The following MERTK variants were observed in gnomAD, a reference collection of about 807,000 sequenced individuals.
MERTK encodes tyrosine-protein kinase Mer.
In MERTK, 69 loss-of-function variants were observed where a neutral mutation model predicts 99.3. That is an observed-to-expected ratio of 0.70 (90% confidence interval 0.57 to 0.85). The LOEUF (loss-of-function observed/expected upper bound fraction) is 0.85, where lower values mean the gene tolerates loss of function less well. Among genes scored for constraint, MERTK ranks in the 40% least tolerant of loss-of-function variants. The probability of loss-of-function intolerance (pLI) is 0.00; values close to 1 mark genes in which losing one functional copy is unlikely to be tolerated. For missense variants in MERTK, 1,125 were observed against 1,249.4 expected (o/e 0.90, Z 1.50); for synonymous variants, 426 against 467.6 (o/e 0.91, Z 1.15).
chr2:111,999,428 A>G (rs1369011520), intron 10 of MERTK, among the ~76,000 whole-genome samples: 1 of 152,036 alleles, frequency 6.6e-6, no homozygotes, highest in Non-Finnish European at 1.5e-5. Flanking sequence ...CCTCCCGATT[A>G]GCTGGGACCA....
intron 15 of MERTK, among the ~76,000 whole-genome samples, chr2:112,012,042 C>G (rs1271450418): frequency 6.6e-6 from 1 of 152,210 alleles, no homozygotes; most frequent in Non-Finnish European, 1.5e-5. Context: ...GGTAACTAGA[C>G]TGGGGGGTGT....
intron 1 of MERTK, among the ~76,000 whole-genome samples, chr2:111,917,300 TGTA>T (rs2104672913): frequency 6.6e-6 from 1 of 152,312 alleles, no homozygotes; most frequent in East Asian, 1.9e-4. Flanking sequence ...GAGGGCCACT[TGTA>T]GTACTTCTCT....
intron 18 of MERTK, among the ~76,000 whole-genome samples, chr2:112,026,715 G>C (rs564747416): frequency 5.9e-5 from 9 of 152,186 alleles, no homozygotes; most frequent in African/African-American, 2.2e-4. Context: ...TCCAGCTTCC[G>C]GATGCGTGTG....
chr2:111,921,395 G>A (rs1684456612), intron 1 of MERTK, among the ~76,000 whole-genome samples: 1 of 151,956 alleles, frequency 6.6e-6, no homozygotes, highest in South Asian at 2.1e-4. Context: ...TGCTACTCAG[G>A]AGGCTGAGGC....
intron 6 of MERTK, among the ~76,000 whole-genome samples, chr2:111,973,098 G>C (rs1032242656): frequency 2.6e-5 from 4 of 152,068 alleles, no homozygotes; most frequent in African/African-American, 7.3e-5. Flanking sequence ...GCTCTCCCAT[G>C]TACTTCTTGC....
chr2:111,907,668 AG>A (rs112405825), intron 1 of MERTK, among the ~76,000 whole-genome samples: 36,625 of 152,228 alleles, frequency 0.24, 4,772 homozygotes, highest in South Asian at 0.32. Context: ...ATCCCCCCTG[AG>A]GGGGAACAGC....
chr2:112,003,340 A>G (rs1676908415), intron 12 of MERTK, 153 bp downstream of exon 12: 1 of 535,136 alleles, frequency 1.9e-6, no homozygotes, highest in Non-Finnish European at 3.3e-6. Flanking sequence ...ATGATAGACT[A>G]TTGATTTTTG....
intron 1 of MERTK, among the ~76,000 whole-genome samples, chr2:111,916,820 C>T (rs1684359573): frequency 6.6e-6 from 1 of 152,116 alleles, no homozygotes; most frequent in African/African-American, 2.4e-5. Context: ...TACCTGTTTT[C>T]CTCTGACTTG....
intron 2 of MERTK, among the ~76,000 whole-genome samples, chr2:111,942,538 G>A (rs1684883196): frequency 6.6e-6 from 1 of 152,138 alleles, no homozygotes; most frequent in African/African-American, 2.4e-5. Flanking sequence ...GGAGATATTT[G>A]TCCTGTGTAT....
intron 4 of MERTK, among the ~76,000 whole-genome samples, chr2:111,964,709 T>C (rs62162474): frequency 6.6e-6 from 1 of 152,232 alleles, no homozygotes; most frequent in South Asian, 2.1e-4. Context: ...TCCTTGTGAA[T>C]TGACCAGTTT....
At chr2:111,949,279 A>T (rs571880145) in intron 4 of MERTK, among the ~76,000 whole-genome samples, 4 of 152,240 alleles carry the variant, frequency 2.6e-5, no homozygotes, top group Non-Finnish European at 5.9e-5. Context: ...CTCAGTAAGG[A>T]CAAGAGCTTT....
In MERTK at chr2:112,004,002, A is replaced by C; in HGVS notation, c.1867+18A>C. 1 of 1,598,448 alleles carries C rather than the reference A, an allele frequency of 6.3e-7. No homozygotes were observed. The highest frequency in any genetic ancestry group is 8.6e-7 in the Non-Finnish European group (1 of 1,166,126). On this transcript the variant is annotated intron_variant, in intron 13 of 18. Coordinates refer to ENST00000295408, the MANE Select transcript of MERTK (RefSeq NM_006343.3). ...CATGAAGTGTGAGTTATCAGTGATG[A>C]ATCCCATTCTTCTAGGGTGGGCAGT...
intron 1 of MERTK, among the ~76,000 whole-genome samples, chr2:111,925,292 ATTTTTT>A (rs11433691): frequency 1.1e-3 from 26 of 24,492 alleles, no homozygotes; most frequent in East Asian, 4.8e-3. Context: ...ATATATATAT[ATTTTTT>A]TTTTTTTTTT....
intron 8 of MERTK, among the ~76,000 whole-genome samples, chr2:111,988,906 G>T (rs539961211): frequency 3.3e-5 from 5 of 152,274 alleles, no homozygotes; most frequent in Non-Finnish European, 4.4e-5. Flanking sequence ...CCAAGATGGC[G>T]CCACTGCACT....
At chr2:111,932,922 GGA>G (rs1462904077) in intron 2 of MERTK, among the ~76,000 whole-genome samples, 1 of 152,082 alleles carries the variant, frequency 6.6e-6, no homozygotes, top group African/African-American at 2.4e-5. Flanking sequence ...CTCAGGTCAG[GGA>G]GGGGTTTGGA....
intron 9 of MERTK, chr2:111,997,012 T>C (rs1042235075): frequency 1.6e-5 from 6 of 380,520 alleles, no homozygotes; most frequent in South Asian, 1.5e-4. Flanking sequence ...TATAATGACA[T>C]GAGTTTTCTC....
intron 11 of MERTK, 95 bp from the exon 12 acceptor site, chr2:112,002,997 A>G: frequency 2.8e-6 from 2 of 705,266 alleles, no homozygotes; most frequent in South Asian, 1.5e-5. Flanking sequence ...TAAATAAGGA[A>G]TGTTTTATTA....
chr2:111,933,505 C>T (rs1236969808), intron 2 of MERTK, among the ~76,000 whole-genome samples: 2 of 152,102 alleles, frequency 1.3e-5, no homozygotes, highest in Admixed American at 1.3e-4. Context: ...CAAAAGGACT[C>T]TAGAGAGAAA....
intron 1 of MERTK, among the ~76,000 whole-genome samples, chr2:111,900,020 C>T (rs1383999786): frequency 6.6e-6 from 1 of 151,746 alleles, no homozygotes; most frequent in African/African-American, 2.4e-5. Context: ...TAAATAAACA[C>T]ATTCCAAGTA....
Sources: gnomAD v4.1 joint callset for allele counts (sites outside exome capture counted in the v4.1 genomes callset) on GRCh38, gnomAD v4.1.1 for gene constraint, MANE v1.5 for transcripts, NCBI Gene and HGNC (gene_info 2026-07-23, HGNC 2026-07-21) for gene names.